DYM: variants seen among roughly 807,000 people sequenced by gnomAD.
The protein encoded by DYM is dyggve-Melchior-Clausen syndrome protein.
Under a neutral mutation model 93.1 loss-of-function variants are expected in DYM, and 78 were observed. That is an observed-to-expected ratio of 0.84 (90% CI 0.70 to 1.01). The LOEUF (loss-of-function observed/expected upper bound fraction) is 1.01, where lower values mean the gene tolerates loss of function less well. Among genes scored for constraint, DYM ranks in the 50% least tolerant of loss-of-function variants. DYM has a pLI of 0.00. For synonymous variants in DYM, 321 were observed against 319.7 expected, an observed-to-expected ratio of 1.00 and a Z score of -0.04; for missense variants, 789 against 845.0, an observed-to-expected ratio of 0.93 and a Z score of 0.82.
At position 49,333,787 on chromosome 18, in the gene DYM, G is replaced by C. The variant is rs1410371339; in HGVS notation, c.561C>G (p.Leu187=). 1 of 1,613,730 alleles carries C rather than the reference G, an allele frequency of 6.2e-7. No individual in the cohort carries two copies. The highest frequency in any genetic ancestry group is 1.3e-5 in the African/African-American group (1 of 74,926). The change falls in exon 7 of 18, where the codon CTC becomes CTG. Residue 187 remains leucine, a synonymous_variant. Coordinates refer to ENST00000675505, the MANE Select transcript of DYM (RefSeq NM_001353214.3). ...STMVVFLSCQ[L]FHKEVLRQSI... ...TCTGTCGCAAAACTTCTTTGTGGAA[G>C]AGTTGGCAGGAAAGGAAAACAACCA...
chr18:49,440,508 TATTA>T (rs1246982974), intron 1 of DYM, among the ~76,000 whole-genome samples: 2 of 63,844 alleles, frequency 3.1e-5, no homozygotes, highest in Admixed American at 2.9e-4. Flanking sequence ...TATGACTATA[TATTA>T]TATATTTATA....
Position 49,437,641 on chromosome 18 carries a change from T to A in DYM, c.-53-7194A>T, listed in dbSNP as rs2080976411. Among the ~76,000 whole-genome samples the A allele has an allele frequency of 2.0e-5, 3 of 152,350 alleles. No individual in the cohort carries two copies. In the South Asian group the frequency reaches 6.2e-4, roughly 32 times the overall value. On this transcript the variant is annotated intron_variant, in intron 1 of 17. Transcript: ENST00000675505. ...ATGCATCTGTAATTTTGATAGATACTGCCTGGCTGCCTTCTACAGAGGTTG... is the reference window on the plus strand; with the variant it reads ...ATGCATCTGTAATTTTGATAGATACAGCCTGGCTGCCTTCTACAGAGGTTG...
At chr18:49,066,456 C>T (rs1223804520) in intron 17 of DYM, among the ~76,000 whole-genome samples, 1 of 152,182 alleles carries the variant, frequency 6.6e-6, no homozygotes, top group African/African-American at 2.4e-5. Context: ...GATTCATTCA[C>T]GGTCATTGCT....
At chr18:49,125,902 C>T (rs2082774637) in intron 15 of DYM, among the ~76,000 whole-genome samples, 1 of 152,198 alleles carries the variant, frequency 6.6e-6, no homozygotes, top group Admixed American at 6.5e-5. Context: ...ACTGTTATAG[C>T]TATCATCTTC....
chr18:49,433,054 C>A (rs1266037041), intron 1 of DYM, among the ~76,000 whole-genome samples: 2 of 152,138 alleles, frequency 1.3e-5, no homozygotes, highest in African/African-American at 2.4e-5. Context: ...CATGAGGGAA[C>A]AAGCCAAGAA....
intron 1 of DYM, among the ~76,000 whole-genome samples, chr18:49,457,488 C>G (rs747385981): frequency 9.2e-5 from 14 of 152,194 alleles, no homozygotes; most frequent in Non-Finnish European, 1.9e-4. Flanking sequence ...ACAAGTGTCA[C>G]AGGTATTTCC....
Position 49,324,931 on chromosome 18 carries a change from A to C in DYM, c.763+6933T>G, listed in dbSNP as rs1235214572. Reference sequence around the variant, plus strand: ...TACACATAAGGTAATGAGATTTTAAATGCTGGAGAACTTGGTAAGGTCATG... The same window carrying C: ...TACACATAAGGTAATGAGATTTTAACTGCTGGAGAACTTGGTAAGGTCATG... On this transcript the variant is annotated intron_variant, in intron 8 of 17. Transcript: ENST00000675505. Among the ~76,000 whole-genome samples, 21 of 152,216 alleles carry C rather than the reference A, an allele frequency of 1.4e-4. 1 individual carries two copies. Among genetic ancestry groups the C allele is most frequent in the Admixed American group, 1.4e-3 (21 of 15,280 alleles).
intron 2 of DYM, among the ~76,000 whole-genome samples, chr18:49,427,892 A>T (rs1375368478): frequency 1.3e-5 from 2 of 152,204 alleles, no homozygotes; most frequent in Admixed American, 1.3e-4. Flanking sequence ...GTTCAAGACC[A>T]GCCTGGGCAA....
At position 49,093,530 on chromosome 18, in the gene DYM, G is replaced by A. The variant is rs370564528; in HGVS notation, c.2025+3872C>T. ...AGAAATGTGGAGCAGCCACATGGGAGGGCGGCAACGTGGAGGGAAAGGAAT... is the reference window on the plus strand; with the variant it reads ...AGAAATGTGGAGCAGCCACATGGGAAGGCGGCAACGTGGAGGGAAAGGAAT... On this transcript the variant is annotated intron_variant, in intron 17 of 17. Coordinates refer to ENST00000675505, the MANE Select transcript of DYM (RefSeq NM_001353214.3). Among the ~76,000 whole-genome samples, 10 of 152,300 alleles carry A rather than the reference G, an allele frequency of 6.6e-5. No homozygotes were observed. In the East Asian group the frequency reaches 1.5e-3, roughly 24 times the overall value.
intron 14 of DYM, chr18:49,206,645 G>C (rs1445960565): frequency 6.6e-6 from 1 of 152,614 alleles, no homozygotes; most frequent in African/African-American, 2.4e-5. Context: ...CAGACTGCAA[G>C]TGGTAAGGCA....
At chr18:49,404,034 G>A (rs1239280182) in intron 2 of DYM, among the ~76,000 whole-genome samples, 1 of 151,542 alleles carries the variant, frequency 6.6e-6, no homozygotes, top group East Asian at 1.9e-4. Flanking sequence ...TTGAGATGGA[G>A]TCTCTTTCTG....
intron 15 of DYM, chr18:49,126,580 A>G (rs2082855593): frequency 1.3e-5 from 2 of 152,240 alleles, no homozygotes; most frequent in South Asian, 2.1e-4. Flanking sequence ...TCCAAATTTC[A>G]GTACTTAAAC....
chr18:49,412,905 CT>C (rs1185018664), intron 2 of DYM: 1 of 152,148 alleles, frequency 6.6e-6, no homozygotes, highest in Non-Finnish European at 1.5e-5. Context: ...TCAGGCAGCT[CT>C]GCTTAAAAAG....
At chr18:49,333,683 A>G in intron 7 of DYM, 45 bp downstream of exon 7, 2 of 1,591,332 alleles carry the variant, frequency 1.3e-6, no homozygotes, top group Non-Finnish European at 1.7e-6. Context: ...AGAAATATAG[A>G]TTTATACAAT....
At chr18:49,323,617 G>C (rs2062668084) in intron 8 of DYM, among the ~76,000 whole-genome samples, 1 of 152,126 alleles carries the variant, frequency 6.6e-6, no homozygotes, top group South Asian at 2.1e-4. Context: ...CAGCAAGAAG[G>C]TGGACATCTG....
intron 15 of DYM, among the ~76,000 whole-genome samples, chr18:49,122,328 C>T (rs1011989098): frequency 2.0e-5 from 3 of 152,124 alleles, no homozygotes; most frequent in Admixed American, 6.5e-5. Flanking sequence ...ATTTTCTCAC[C>T]AACAGCAGGT....
rs781389445 is a variant in DYM, at chr18:49,038,027, G to A, written c.*6028C>T. On this transcript the variant is annotated 3_prime_UTR_variant, in exon 18 of 18. Transcript: ENST00000675505. Reference sequence around the variant, plus strand: ...TTTTGTAAAGGTGGGGCCTCATTATGTTGCCCAAGCTGGTCTCAAACTCCT... The same window carrying A: ...TTTTGTAAAGGTGGGGCCTCATTATATTGCCCAAGCTGGTCTCAAACTCCT... 6.6e-6 allele frequency among the ~76,000 whole-genome samples: 1 copy of A among 152,158 alleles called. No homozygotes were observed. Among genetic ancestry groups the A allele is most frequent in the Non-Finnish European group, 1.5e-5 (1 of 68,014 alleles).
At chr18:49,164,014 A>C (rs2087547901) in intron 14 of DYM, among the ~76,000 whole-genome samples, 1 of 152,198 alleles carries the variant, frequency 6.6e-6, no homozygotes. Context: ...TTTTAATGAC[A>C]GTTTAAAATT....
intron 13 of DYM, among the ~76,000 whole-genome samples, chr18:49,220,867 A>G (rs953112257): frequency 1.3e-5 from 2 of 152,226 alleles, no homozygotes; most frequent in African/African-American, 4.8e-5. Flanking sequence ...TGTCTAAAAC[A>G]CCAAAAGCAA....
Sources: allele counts gnomAD v4.1 joint callset (sites outside exome capture counted in the v4.1 genomes callset), GRCh38; gene constraint gnomAD v4.1.1; transcripts MANE v1.5; gene names NCBI Gene and HGNC (gene_info 2026-07-23, HGNC 2026-07-21).